The following ENTREP2 variants were observed in gnomAD, a reference collection of about 807,000 sequenced individuals.
The protein encoded by ENTREP2 is endosomal transmembrane epsin interactor 2.
At chr15:29,158,289 T>C in the ENTREP2 span, among the ~76,000 whole-genome samples, 1 of 151,924 alleles carries the variant, frequency 6.6e-6, no homozygotes, top group Non-Finnish European at 1.5e-5. Flanking sequence ...CAGAAAGACT[T>C]TTCCCCTCCA....
the ENTREP2 span, among the ~76,000 whole-genome samples, chr15:29,335,224 T>C: frequency 6.6e-6 from 1 of 152,210 alleles, no homozygotes; most frequent in African/African-American, 2.4e-5. Context: ...CACTTTTCTG[T>C]GAAGTATTTT....
chr15:29,442,378 G>A, the ENTREP2 span, among the ~76,000 whole-genome samples: 11 of 152,326 alleles, frequency 7.2e-5, no homozygotes, highest in South Asian at 1.7e-3. Flanking sequence ...AAACACAGCC[G>A]CATGCTCCTT....
the ENTREP2 span, among the ~76,000 whole-genome samples, chr15:29,176,998 C>T: frequency 6.6e-6 from 1 of 152,184 alleles, no homozygotes; most frequent in Non-Finnish European, 1.5e-5. Context: ...TCCACGTTGC[C>T]TGCAGCTCTG....
At chr15:29,495,054 T>C in the ENTREP2 span, among the ~76,000 whole-genome samples, 1 of 152,238 alleles carries the variant, frequency 6.6e-6, no homozygotes, top group Non-Finnish European at 1.5e-5. Flanking sequence ...ACTTTGGATA[T>C]ATACCCAGAA....
At chr15:29,272,812 A>G in the ENTREP2 span, among the ~76,000 whole-genome samples, 1 of 152,250 alleles carries the variant, frequency 6.6e-6, no homozygotes, top group African/African-American at 2.4e-5. Flanking sequence ...GATCCAGGGT[A>G]GGAGTTTTCA....
chr15:29,359,420 T>C, the ENTREP2 span, among the ~76,000 whole-genome samples: 1 of 152,222 alleles, frequency 6.6e-6, no homozygotes, highest in Non-Finnish European at 1.5e-5. Context: ...ACTTCTTTTT[T>C]TCTGAACCCC....
At chr15:29,269,542 C>T in the ENTREP2 span, 1 of 1,512,104 alleles carries the variant, frequency 6.6e-7, no homozygotes, top group South Asian at 1.2e-5. Context: ...CTGCGAGCCG[C>T]CCGGCCCGCG....
chr15:29,287,471 T>A, the ENTREP2 span, among the ~76,000 whole-genome samples: 1 of 151,832 alleles, frequency 6.6e-6, no homozygotes, highest in South Asian at 2.1e-4. Context: ...CATTACCTTT[T>A]GAGGTGGCTT....
At chr15:29,434,391 G>A in the ENTREP2 span, among the ~76,000 whole-genome samples, 1 of 152,176 alleles carries the variant, frequency 6.6e-6, no homozygotes, top group African/African-American at 2.4e-5. Context: ...CACATAAGAA[G>A]CTATGTGATT....
At chr15:29,217,100 C>G in the ENTREP2 span, among the ~76,000 whole-genome samples, 1 of 152,150 alleles carries the variant, frequency 6.6e-6, no homozygotes, top group African/African-American at 2.4e-5. Context: ...GTTCTAGGTG[C>G]AGGGGCTTTA....
the ENTREP2 span, among the ~76,000 whole-genome samples, chr15:29,476,664 G>A: frequency 6.0e-3 from 912 of 152,264 alleles, 12 homozygotes; most frequent in African/African-American, 0.019. Flanking sequence ...CATTTCCCTC[G>A]ACTGCAAAGA....
the ENTREP2 span, among the ~76,000 whole-genome samples, chr15:29,595,892 T>G: frequency 6.6e-6 from 1 of 152,150 alleles, no homozygotes; most frequent in Non-Finnish European, 1.5e-5. Context: ...AACATAACCC[T>G]TTCTTTATGG....
the ENTREP2 span, chr15:29,128,743 G>T: frequency 7.1e-7 from 1 of 1,407,078 alleles, no homozygotes; most frequent in African/African-American, 1.4e-5. Flanking sequence ...AGACACCCTT[G>T]AAAACAGGAA....
the ENTREP2 span, among the ~76,000 whole-genome samples, chr15:29,186,105 G>C: frequency 6.6e-6 from 1 of 152,076 alleles, no homozygotes; most frequent in Admixed American, 6.6e-5. Flanking sequence ...AGAGTGACTG[G>C]GGTACTTTAG....
the ENTREP2 span, among the ~76,000 whole-genome samples, chr15:29,674,048 G>C: frequency 6.7e-6 from 1 of 150,298 alleles, no homozygotes; most frequent in Non-Finnish European, 1.5e-5. Context: ...AGGTAGGAGG[G>C]TGACTGAGGA....
the ENTREP2 span, among the ~76,000 whole-genome samples, chr15:29,582,406 G>C: frequency 6.6e-6 from 1 of 151,884 alleles, no homozygotes; most frequent in Non-Finnish European, 1.5e-5. Flanking sequence ...GTACAAGAGT[G>C]AATAAACACA....
the ENTREP2 span, among the ~76,000 whole-genome samples, chr15:29,255,009 A>AT: frequency 6.6e-6 from 1 of 152,226 alleles, no homozygotes; most frequent in African/African-American, 2.4e-5. Context: ...AATCATCTGC[A>AT]TCATTAGACA....
chr15:29,266,095 T>G, the ENTREP2 span: 2 of 152,194 alleles, frequency 1.3e-5, no homozygotes. Context: ...TGGATTAACA[T>G]GTAGAACATA....
At chr15:29,640,536 C>A in the ENTREP2 span, among the ~76,000 whole-genome samples, 1 of 151,900 alleles carries the variant, frequency 6.6e-6, no homozygotes, top group Non-Finnish European at 1.5e-5. Flanking sequence ...GTGGTGTGTG[C>A]CTGTAGACCC....
Sources: gnomAD v4.1 joint callset for allele counts (sites outside exome capture counted in the v4.1 genomes callset) on GRCh38, gnomAD v4.1.1 for gene constraint, MANE v1.5 for transcripts, NCBI Gene and HGNC (gene_info 2026-07-23, HGNC 2026-07-21) for gene names.